The following PPP2R2C variants were observed in gnomAD, a reference collection of about 807,000 sequenced individuals.
PPP2R2C encodes protein phosphatase 2, regulatory subunit B, gamma.
A neutral mutation model predicts 45.3 loss-of-function variants in PPP2R2C; 10 were observed. That is an observed-to-expected ratio of 0.22 (90% CI 0.14 to 0.37). The LOEUF (loss-of-function observed/expected upper bound fraction) is 0.37. Ranked by LOEUF, PPP2R2C falls within the 10% of genes least tolerant of loss-of-function variation. The pLI is 1.00. For synonymous variants in PPP2R2C, 257 were observed against 245.4 expected, an observed-to-expected ratio of 1.05 and a Z score of -0.44; for missense variants, 308 against 619.7, an observed-to-expected ratio of 0.50 and a Z score of 5.34.
intron 1 of PPP2R2C, among the ~76,000 whole-genome samples, chr4:6,401,143 T>C (rs981364137): frequency 6.6e-6 from 1 of 152,222 alleles, no homozygotes; most frequent in African/African-American, 2.4e-5. Flanking sequence ...GTATTCAACA[T>C]TTTAATCATT....
At chr4:6,344,840 T>A (rs528077400) in intron 6 of PPP2R2C, among the ~76,000 whole-genome samples, 1 of 152,258 alleles carries the variant, frequency 6.6e-6, no homozygotes, top group African/African-American at 2.4e-5. Flanking sequence ...TCTAAAACAA[T>A]AGCTGACATG....
At chr4:6,527,548 A>G (rs1227877793) in intron 2 of PPP2R2C, among the ~76,000 whole-genome samples, 1 of 152,108 alleles carries the variant, frequency 6.6e-6, no homozygotes, top group African/African-American at 2.4e-5. Flanking sequence ...CCACTCCTCA[A>G]CAGCTTGCCA....
At chr4:6,340,315 AC>A (rs1447655289) in intron 6 of PPP2R2C, among the ~76,000 whole-genome samples, 2 of 151,668 alleles carry the variant, frequency 1.3e-5, no homozygotes, top group Admixed American at 6.6e-5. Flanking sequence ...GGGGTGGGGC[AC>A]CCCCGCCCCC....
intron 1 of PPP2R2C, among the ~76,000 whole-genome samples, chr4:6,425,912 G>A (rs146259189): frequency 9.9e-4 from 150 of 152,144 alleles, no homozygotes; most frequent in Middle Eastern, 3.4e-3. Flanking sequence ...GCATGCACAC[G>A]TGCATGCATG....
intron 1 of PPP2R2C, among the ~76,000 whole-genome samples, chr4:6,459,633 CA>C (rs1405974320): frequency 6.6e-6 from 1 of 152,082 alleles, no homozygotes; most frequent in African/African-American, 2.4e-5. Context: ...AGTTCAATCT[CA>C]CTGAAAAATG....
At chr4:6,504,125 A>T (rs1723146214) in intron 2 of PPP2R2C, among the ~76,000 whole-genome samples, 1 of 152,246 alleles carries the variant, frequency 6.6e-6, no homozygotes, top group Non-Finnish European at 1.5e-5. Flanking sequence ...CATGTGGGGC[A>T]ATCTTGGCTA....
At chr4:6,388,175 T>G (rs933392666) in intron 1 of PPP2R2C, among the ~76,000 whole-genome samples, 9 of 152,098 alleles carry the variant, frequency 5.9e-5, no homozygotes, top group South Asian at 2.1e-4. Flanking sequence ...TGGGCAGCTC[T>G]AGGGCAACCC....
At chr4:6,377,903 C>G (rs189322365) in intron 3 of PPP2R2C, among the ~76,000 whole-genome samples, 1 of 152,158 alleles carries the variant, frequency 6.6e-6, no homozygotes, top group Non-Finnish European at 1.5e-5. Flanking sequence ...GATTAAGAGG[C>G]CGGCCGGGGT....
chr4:6,379,832 A>AG (rs1164819702), intron 2 of PPP2R2C, among the ~76,000 whole-genome samples: 3 of 152,050 alleles, frequency 2.0e-5, no homozygotes, highest in Non-Finnish European at 2.9e-5. Flanking sequence ...CACCGTGAGG[A>AG]GGGTTATGTG....
rs75843619 is a variant in PPP2R2C at position 6,550,240 on chromosome 4, C to G, written c.-59+13320G>C. 9.8e-5 allele frequency among the ~76,000 whole-genome samples: 15 copies of G among 152,314 alleles called. No individual in the cohort carries two copies. The East Asian group carries it at 2.9e-3, about 29-fold the overall frequency. On this transcript the variant is annotated intron_variant, in intron 1 of 9. Transcript: ENST00000506140. Reference sequence around the variant, plus strand: ...CACCTCCAAGCTTCCTGTTCCCCTCCTCACAGCCACCAGCCGGCACATCCC... The same window carrying G: ...CACCTCCAAGCTTCCTGTTCCCCTCGTCACAGCCACCAGCCGGCACATCCC...
intron 2 of PPP2R2C, among the ~76,000 whole-genome samples, chr4:6,512,136 GATT>G (rs1177320491): frequency 2.8e-4 from 16 of 56,938 alleles, no homozygotes; most frequent in Non-Finnish European, 3.4e-4. Context: ...TGGTGGTGGT[GATT>G]ATGGTGGTAG....
At chr4:6,384,318 T>C (rs550308864) in intron 1 of PPP2R2C, 1 of 985,432 alleles carries the variant, frequency 1.0e-6, no homozygotes. Flanking sequence ...CATCAGTGAT[T>C]ATAGCCATGT....
At chr4:6,342,081 T>TACACATACACAC (rs1733489711) in intron 6 of PPP2R2C, among the ~76,000 whole-genome samples, 1 of 139,618 alleles carries the variant, frequency 7.2e-6, no homozygotes, top group Non-Finnish European at 1.5e-5. Flanking sequence ...TCTGCCACGA[T>TACACATACACAC]ACACACACAC....
At chr4:6,354,057 C>A (rs2109244799) in intron 5 of PPP2R2C, among the ~76,000 whole-genome samples, 1 of 149,130 alleles carries the variant, frequency 6.7e-6, no homozygotes, top group East Asian at 2.0e-4. Context: ...TTCCCTTGTC[C>A]AGCCAGCCTT....
At chr4:6,394,065 C>A (rs1411854592) in intron 1 of PPP2R2C, among the ~76,000 whole-genome samples, 1 of 152,222 alleles carries the variant, frequency 6.6e-6, no homozygotes, top group Non-Finnish European at 1.5e-5. Flanking sequence ...GCCCCACCCC[C>A]AGTCACCTGG....
At chr4:6,366,120 G>A (rs1448899143) in intron 5 of PPP2R2C, among the ~76,000 whole-genome samples, 1 of 152,216 alleles carries the variant, frequency 6.6e-6, no homozygotes, top group Non-Finnish European at 1.5e-5. Flanking sequence ...TGTTGTTTAA[G>A]AGACAAAATA....
intron 2 of PPP2R2C, among the ~76,000 whole-genome samples, chr4:6,507,509 C>T (rs1259940662): frequency 6.6e-6 from 1 of 152,262 alleles, no homozygotes; most frequent in Admixed American, 6.5e-5. Flanking sequence ...ACTAGACTCT[C>T]TATGTGTGGA....
At chr4:6,357,039 C>T (rs1049968684) in intron 5 of PPP2R2C, among the ~76,000 whole-genome samples, 3 of 150,820 alleles carry the variant, frequency 2.0e-5, no homozygotes, top group African/African-American at 7.3e-5. Flanking sequence ...CAGCTGCAGT[C>T]ATGGGCATGA....
intron 1 of PPP2R2C, chr4:6,382,671 T>TCACACA (rs1715919032): frequency 7.3e-6 from 1 of 137,384 alleles, no homozygotes; most frequent in African/African-American, 7.9e-5. Flanking sequence ...TCTCTCTCTC[T>TCACACA]CTCTCACACA....
Sources: allele counts gnomAD v4.1 joint callset (sites outside exome capture counted in the v4.1 genomes callset), GRCh38; gene constraint gnomAD v4.1.1; transcripts MANE v1.5; gene names NCBI Gene and HGNC (gene_info 2026-07-23, HGNC 2026-07-21).